Variants in PPP2R2B observed in about 807,000 individuals in gnomAD.
The protein encoded by PPP2R2B is serine/threonine-protein phosphatase 2A 55 kDa regulatory subunit B beta isoform.
In PPP2R2B, 5 loss-of-function variants were observed where a neutral mutation model predicts 46.0. That is an observed-to-expected ratio of 0.11 (90% CI 0.06 to 0.23). The LOEUF is 0.23. Ranked by LOEUF, PPP2R2B falls within the 10% of genes least tolerant of loss-of-function variation. The pLI, the probability that PPP2R2B is intolerant of heterozygous loss-of-function variation, is 1.00. For missense variants in PPP2R2B, 367 were observed against 575.0 expected (o/e 0.64, Z 3.70); for synonymous variants, 215 against 206.7 (o/e 1.04, Z -0.34).
At chr5:146,706,768 C>T (rs1779885671) in intron 2 of PPP2R2B, 2 of 807,262 alleles carry the variant, frequency 2.5e-6, no homozygotes, top group South Asian at 1.3e-5. Flanking sequence ...CATACTTGAT[C>T]TGATACATGC....
At chr5:147,015,782 C>T (rs1238188508) in intron 1 of PPP2R2B, among the ~76,000 whole-genome samples, 1 of 149,868 alleles carries the variant, frequency 6.7e-6, no homozygotes, top group Non-Finnish European at 1.5e-5. Flanking sequence ...ATGTAATATA[C>T]ATTCTTAATA....
At chr5:146,828,094 G>A (rs1758692784) in intron 2 of PPP2R2B, among the ~76,000 whole-genome samples, 1 of 151,982 alleles carries the variant, frequency 6.6e-6, no homozygotes, top group African/African-American at 2.4e-5. Context: ...TGCTGCAATA[G>A]TTGCAACTCA....
chr5:146,877,941 G>A (rs367801338), intron 2 of PPP2R2B, 61 bp downstream of exon 2: 1 of 1,562,042 alleles, frequency 6.4e-7, no homozygotes. Context: ...TGCCCAGGAA[G>A]CACAGTGATC....
chr5:146,692,527 A>ATTTTT (rs34156552), intron 4 of PPP2R2B, among the ~76,000 whole-genome samples: 15 of 111,060 alleles, frequency 1.4e-4, no homozygotes, highest in Non-Finnish European at 2.0e-4. Flanking sequence ...TTTTAATTCA[A>ATTTTT]TTTTTTTTTT....
At chr5:146,711,886 T>C (rs1038814912) in intron 2 of PPP2R2B, among the ~76,000 whole-genome samples, 1 of 152,182 alleles carries the variant, frequency 6.6e-6, no homozygotes, top group African/African-American at 2.4e-5. Flanking sequence ...ATTTTTTTTT[T>C]CCTAGAGGGA....
At chr5:146,605,063 C>T (rs1328177451) in intron 7 of PPP2R2B, among the ~76,000 whole-genome samples, 1 of 152,156 alleles carries the variant, frequency 6.6e-6, no homozygotes, top group Non-Finnish European at 1.5e-5. Context: ...TTTGATAATA[C>T]CTATCATCTA....
intron 5 of PPP2R2B, among the ~76,000 whole-genome samples, chr5:146,655,494 C>T: frequency 6.6e-6 from 1 of 152,200 alleles, no homozygotes; most frequent in South Asian, 2.1e-4. Flanking sequence ...GTTTTTTAAA[C>T]ACTTCAGCAG....
At chr5:147,002,528 A>G (rs10477316) in intron 1 of PPP2R2B, among the ~76,000 whole-genome samples, 39,876 of 151,944 alleles carry the variant, frequency 0.26, 6,033 homozygotes, top group African/African-American at 0.4. Flanking sequence ...GTTTTTGAGA[A>G]TGTGTCAGTA....
At chr5:146,862,401 T>C (rs1406385666) in intron 2 of PPP2R2B, among the ~76,000 whole-genome samples, 1 of 152,230 alleles carries the variant, frequency 6.6e-6, no homozygotes, top group Non-Finnish European at 1.5e-5. Context: ...GTTGGGGAGA[T>C]GACGTGCAGG....
At chr5:146,752,479 A>G (rs991983742) in intron 2 of PPP2R2B, among the ~76,000 whole-genome samples, 2 of 152,044 alleles carry the variant, frequency 1.3e-5, no homozygotes, top group African/African-American at 2.4e-5. Flanking sequence ...ATTTTATTTG[A>G]CTCATTTATC....
At chr5:146,648,176 G>C (rs1775711621) in intron 6 of PPP2R2B, among the ~76,000 whole-genome samples, 1 of 152,112 alleles carries the variant, frequency 6.6e-6, no homozygotes, top group Non-Finnish European at 1.5e-5. Flanking sequence ...CTTTTTTAGG[G>C]CATGGCTCAG....
At chr5:146,683,963 C>T (rs779119020) in intron 5 of PPP2R2B, among the ~76,000 whole-genome samples, 181 of 152,270 alleles carry the variant, frequency 1.2e-3, no homozygotes, top group Non-Finnish European at 1.8e-3. Flanking sequence ...AATATCCACC[C>T]GCCGAGGCAG....
intron 2 of PPP2R2B, among the ~76,000 whole-genome samples, chr5:146,715,423 G>C (rs1370062365): frequency 6.6e-6 from 1 of 152,118 alleles, no homozygotes; most frequent in African/African-American, 2.4e-5. Flanking sequence ...GTTTTTCTTT[G>C]AAACTACCAT....
intron 1 of PPP2R2B, among the ~76,000 whole-genome samples, chr5:147,033,769 A>T (rs1755905076): frequency 6.6e-6 from 1 of 152,126 alleles, no homozygotes; most frequent in Non-Finnish European, 1.5e-5. Context: ...TGCCTCCAAA[A>T]TAATTGATCC....
At chr5:146,902,079 T>A (rs566809312) in intron 1 of PPP2R2B, among the ~76,000 whole-genome samples, 1 of 152,292 alleles carries the variant, frequency 6.6e-6, no homozygotes, top group Admixed American at 6.5e-5. Flanking sequence ...TGGTTGCATG[T>A]TTGACTTACC....
chr5:147,074,447 C>T (rs912487347), intron 2 of PPP2R2B, among the ~76,000 whole-genome samples: 17 of 152,120 alleles, frequency 1.1e-4, no homozygotes, highest in African/African-American at 3.4e-4. Flanking sequence ...AGGCTAAGAT[C>T]TGTGGGGTGA....
chr5:146,887,565 T>A (rs1029445860), intron 1 of PPP2R2B, among the ~76,000 whole-genome samples: 22 of 152,180 alleles, frequency 1.4e-4, no homozygotes, highest in Admixed American at 1.4e-3. Context: ...ACTAGTAAGC[T>A]GAATAAATAA....
intron 1 of PPP2R2B, among the ~76,000 whole-genome samples, chr5:146,924,517 C>A (rs914243087): frequency 1.3e-5 from 2 of 152,012 alleles, no homozygotes; most frequent in Non-Finnish European, 2.9e-5. Flanking sequence ...CAGGAGTCAC[C>A]AAAGGGGGTT....
At position 147,007,003 on chromosome 5, in the gene PPP2R2B, GC is replaced by G. The variant is rs1227368002; in HGVS notation, c.79+48661del. ...TGTGACAGCCATCTTGCTATTACTTGCCTTTGGGCCCTGTATTTTTAACCTC... is the reference window on the plus strand; with the variant it reads ...TGTGACAGCCATCTTGCTATTACTTGCTTTGGGCCCTGTATTTTTAACCTC... On this transcript the variant is annotated intron_variant, in intron 1 of 8. Coordinates refer to the PPP2R2B transcript ENST00000336640. Among the ~76,000 whole-genome samples the G allele has an allele frequency of 3.9e-5, 6 of 152,192 alleles. No homozygotes were observed. The South Asian group carries it at 6.2e-4, about 16-fold the overall frequency.
Sources: gnomAD v4.1 joint callset for allele counts (sites outside exome capture counted in the v4.1 genomes callset) on GRCh38, gnomAD v4.1.1 for gene constraint, MANE v1.5 for transcripts, NCBI Gene and HGNC (gene_info 2026-07-23, HGNC 2026-07-21) for gene names.